Variants in MYO1D observed in about 807,000 individuals in gnomAD.
MYO1D encodes the protein myosin ID.
Under a neutral mutation model 122.0 loss-of-function variants are expected in MYO1D, and 83 were observed. The observed-to-expected ratio is 0.68, with a 90% confidence interval of 0.57 to 0.82. The LOEUF (loss-of-function observed/expected upper bound fraction) is 0.82, where lower values mean the gene tolerates loss of function less well. Among genes scored for constraint, MYO1D ranks in the 40% least tolerant of loss-of-function variants. The pLI is 0.00. For missense variants in MYO1D, 1,157 were observed against 1,269.5 expected (o/e 0.91, Z 1.35); for synonymous variants, 464 against 446.9 (o/e 1.04, Z -0.48).
At chr17:32,621,947 T>C (rs2087859706) in intron 20 of MYO1D, among the ~76,000 whole-genome samples, 1 of 152,314 alleles carries the variant, frequency 6.6e-6, no homozygotes, top group African/African-American at 2.4e-5. Context: ...AGCTCAAACA[T>C]GCTGGCACCC....
At chr17:32,705,361 G>A (rs1260016923) in intron 16 of MYO1D, among the ~76,000 whole-genome samples, 2 of 152,108 alleles carry the variant, frequency 1.3e-5, no homozygotes, top group African/African-American at 2.4e-5. Context: ...CCAGGTTCAC[G>A]CCATTCTCCT....
chr17:32,700,713 G>C (rs543301178), intron 16 of MYO1D, among the ~76,000 whole-genome samples: 13 of 152,238 alleles, frequency 8.5e-5, no homozygotes, highest in Non-Finnish European at 1.9e-4. Context: ...GGAGGCCAAA[G>C]CAGGTGGATC....
At chr17:32,685,883 T>A (rs1415594497) in intron 16 of MYO1D, among the ~76,000 whole-genome samples, 1 of 152,250 alleles carries the variant, frequency 6.6e-6, no homozygotes, top group African/African-American at 2.4e-5. Context: ...GGTTATCCCA[T>A]TGATATGACC....
intron 19 of MYO1D, among the ~76,000 whole-genome samples, chr17:32,644,337 T>C (rs2088252831): frequency 6.6e-6 from 1 of 152,230 alleles, no homozygotes; most frequent in Non-Finnish European, 1.5e-5. Flanking sequence ...CTTCCAACTA[T>C]GTGGTCACTT....
chr17:32,535,982 T>G (rs900834543), intron 21 of MYO1D, among the ~76,000 whole-genome samples: 1 of 152,128 alleles, frequency 6.6e-6, no homozygotes, highest in African/African-American at 2.4e-5. Flanking sequence ...ACTGGAAGAG[T>G]GCAGACAGAC....
At chr17:32,700,080 G>A (rs1300712602) in intron 16 of MYO1D, among the ~76,000 whole-genome samples, 1 of 151,948 alleles carries the variant, frequency 6.6e-6, no homozygotes, top group Non-Finnish European at 1.5e-5. Flanking sequence ...CAACTTTCAG[G>A]GAAAGAGAAA....
At chr17:32,773,217 T>C (rs925550315) in intron 4 of MYO1D, among the ~76,000 whole-genome samples, 1 of 152,172 alleles carries the variant, frequency 6.6e-6, no homozygotes, top group African/African-American at 2.4e-5. Flanking sequence ...TCTCTTACTA[T>C]CCCTCAACCT....
At chr17:32,818,486 C>T (rs534318770) in intron 1 of MYO1D, among the ~76,000 whole-genome samples, 1 of 152,150 alleles carries the variant, frequency 6.6e-6, no homozygotes, top group African/African-American at 2.4e-5. Context: ...AAGACCCATT[C>T]GGCTCAAGGA....
At chr17:32,723,076 G>A (rs1473494980) in intron 14 of MYO1D, among the ~76,000 whole-genome samples, 2 of 152,154 alleles carry the variant, frequency 1.3e-5, no homozygotes, top group Non-Finnish European at 2.9e-5. Flanking sequence ...GCCTCACAAC[G>A]GCGTCTTGGT....
intron 21 of MYO1D, among the ~76,000 whole-genome samples, chr17:32,522,809 C>CTTAGTGT (rs57026620): frequency 3.7e-5 from 5 of 136,600 alleles, no homozygotes; most frequent in African/African-American, 5.7e-5. Flanking sequence ...GTCTTAGTGT[C>CTTAGTGT]CCCCATGTCT....
intron 16 of MYO1D, among the ~76,000 whole-genome samples, chr17:32,677,634 T>C (rs933853914): frequency 6.8e-6 from 1 of 146,308 alleles, no homozygotes; most frequent in African/African-American, 2.5e-5. Flanking sequence ...CACACAGACA[T>C]ATAAATACAT....
intron 14 of MYO1D, among the ~76,000 whole-genome samples, chr17:32,730,250 T>C (rs1161960183): frequency 6.6e-6 from 1 of 152,074 alleles, no homozygotes; most frequent in Non-Finnish European, 1.5e-5. Context: ...TTAAACAATA[T>C]TTTTATTATT....
intron 21 of MYO1D, among the ~76,000 whole-genome samples, chr17:32,511,605 C>CT (rs5819985): frequency 0.29 from 41,452 of 143,474 alleles, 6,227 homozygotes; most frequent in East Asian, 0.54. Flanking sequence ...CTGTATTGAA[C>CT]TTTTTTTTTT....
At chr17:32,814,497 G>A (rs2090597851) in intron 1 of MYO1D, among the ~76,000 whole-genome samples, 1 of 152,202 alleles carries the variant, frequency 6.6e-6, no homozygotes, top group Admixed American at 6.5e-5. Context: ...GGTGTGAGAG[G>A]AAGAAGGATA....
chr17:32,805,390 T>C (rs2090501855), intron 1 of MYO1D, among the ~76,000 whole-genome samples: 1 of 152,212 alleles, frequency 6.6e-6, no homozygotes, highest in Non-Finnish European at 1.5e-5. Context: ...ATAAGCTTTA[T>C]GGACTCCTTT....
intron 16 of MYO1D, among the ~76,000 whole-genome samples, chr17:32,711,599 T>C (rs1217853204): frequency 6.6e-6 from 1 of 151,572 alleles, no homozygotes; most frequent in African/African-American, 2.4e-5. Context: ...TAAGCCAAGA[T>C]TGTGCCACTG....
chr17:32,824,442 C>T (rs2090703630), intron 1 of MYO1D, among the ~76,000 whole-genome samples: 1 of 152,230 alleles, frequency 6.6e-6, no homozygotes, highest in South Asian at 2.1e-4. Context: ...AATGGGTCAG[C>T]TATCCTAGTT....
chr17:32,501,746 T>C (rs1379485442), intron 21 of MYO1D, among the ~76,000 whole-genome samples: 1 of 152,258 alleles, frequency 6.6e-6, no homozygotes, highest in Non-Finnish European at 1.5e-5. Context: ...TCTGTCTCTT[T>C]ATCTGCTGTT....
intron 8 of MYO1D, among the ~76,000 whole-genome samples, chr17:32,761,544 T>C: frequency 6.6e-6 from 1 of 152,222 alleles, no homozygotes; most frequent in Admixed American, 6.5e-5. Flanking sequence ...TGGTAGAGTC[T>C]CCTCTTCTAC....
Sources: gnomAD v4.1 joint callset for allele counts (sites outside exome capture counted in the v4.1 genomes callset) on GRCh38, gnomAD v4.1.1 for gene constraint, MANE v1.5 for transcripts, NCBI Gene and HGNC (gene_info 2026-07-23, HGNC 2026-07-21) for gene names.